The following BLM variants were observed in gnomAD, a reference collection of about 807,000 sequenced individuals.
BLM encodes recQ-like DNA helicase BLM.
Under a neutral mutation model 135.3 loss-of-function variants are expected in BLM, and 95 were observed. The ratio of observed to expected loss-of-function variants is 0.70; its 90% CI spans 0.59 to 0.83. The LOEUF (loss-of-function observed/expected upper bound fraction) is 0.83, where lower values mean the gene tolerates loss of function less well. BLM is among the 40% of genes least tolerant of loss of function. BLM has a pLI of 0.00. For synonymous variants in BLM, 520 were observed against 589.2 expected, an observed-to-expected ratio of 0.88 and a Z score of 1.70; for missense variants, 1,518 against 1,663.9, an observed-to-expected ratio of 0.91 and a Z score of 1.53.
At chr15:90,811,180 A>C in intron 20 of BLM, 25 bp from the exon 21 acceptor site, 1 of 1,611,494 alleles carries the variant, frequency 6.2e-7, no homozygotes, top group Non-Finnish European at 8.5e-7. Flanking sequence ...CATCACCTGT[A>C]AACATCTGCA....
intron 1 of BLM, among the ~76,000 whole-genome samples, chr15:90,719,731 GATATAC>G (rs1567219635): frequency 6.6e-6 from 1 of 151,998 alleles, no homozygotes; most frequent in East Asian, 1.9e-4. Context: ...AAAATTAAAA[GATATAC>G]ATATATATTT....
At chr15:90,747,039 A>T (rs28384973) in intron 1 of BLM, among the ~76,000 whole-genome samples, 380 of 152,020 alleles carry the variant, frequency 2.5e-3, no homozygotes, top group Non-Finnish European at 3.6e-3. Context: ...GCTTTCATTT[A>T]TCCTTCCAGG....
chr15:90,775,898 G>A (rs907336834), intron 12 of BLM, among the ~76,000 whole-genome samples: 1 of 152,036 alleles, frequency 6.6e-6, no homozygotes, highest in African/African-American at 2.4e-5. Context: ...TCGTTATATT[G>A]TTCGGGTTAG....
intron 1 of BLM, among the ~76,000 whole-genome samples, chr15:90,717,718 C>A (rs1894644187): frequency 2.0e-5 from 3 of 152,238 alleles, no homozygotes; most frequent in African/African-American, 7.2e-5. Flanking sequence ...CATGTTGTTG[C>A]CCATATACTC....
At chr15:90,727,721 C>T (rs1243356190) in intron 1 of BLM, among the ~76,000 whole-genome samples, 1 of 152,072 alleles carries the variant, frequency 6.6e-6, no homozygotes, top group Non-Finnish European at 1.5e-5. Flanking sequence ...TGGAAGCCTG[C>T]ACGTGAATTC....
chr15:90,776,190 A>G (rs1896472927), intron 12 of BLM, among the ~76,000 whole-genome samples: 1 of 152,208 alleles, frequency 6.6e-6, no homozygotes, highest in Non-Finnish European at 1.5e-5. Flanking sequence ...ATCAAAAATT[A>G]TTTTTAATTA....
intron 1 of BLM, among the ~76,000 whole-genome samples, chr15:90,731,678 G>A (rs962879955): frequency 3.9e-5 from 6 of 152,032 alleles, no homozygotes. Context: ...ACAGCCTAAT[G>A]TTATCTTTTA....
chr15:90,747,695 G>T, intron 2 of BLM: 1 of 513,244 alleles, frequency 1.9e-6, no homozygotes, highest in Non-Finnish European at 3.5e-6. Flanking sequence ...ATGGTTCCTG[G>T]CACATAATAT....
In BLM at chr15:90,766,962, T is replaced by C. The variant is rs748905577; in HGVS notation, c.2246T>C (p.Ile749Thr). The C allele has an allele frequency of 1.2e-6, 2 of 1,606,684 alleles. No homozygotes were observed. The highest frequency in any genetic ancestry group is 1.7e-6 in the Non-Finnish European group (2 of 1,174,156). ...AAGACTGACTCAGAAGCTACAAATATTTACCTCCAGTTATCAAAAAAAGAC... is the reference window on the plus strand; with the variant it reads ...AAGACTGACTCAGAAGCTACAAATACTTACCTCCAGTTATCAAAAAAAGAC... Reference protein sequence around the residue: ...GDKTDSEATNIYLQLSKKDPI... With the variant: ...GDKTDSEATNTYLQLSKKDPI... The change falls in exon 10 of 22, where the codon ATT (isoleucine) becomes ACT (threonine). Residue 749 changes from isoleucine (I) to threonine (T), a missense_variant. By Grantham distance (89) the Ile-to-Thr change is moderately conservative. Coordinates refer to ENST00000355112, the MANE Select transcript of BLM (RefSeq NM_000057.4).
chr15:90,755,433 G>T, intron 5 of BLM: 1 of 154,770 alleles, frequency 6.5e-6, no homozygotes, highest in South Asian at 2.0e-4. Context: ...TCTAGGTCTG[G>T]GTCTTGATGT....
chr15:90,774,289 C>G (rs1211009234), intron 12 of BLM, among the ~76,000 whole-genome samples: 2 of 150,820 alleles, frequency 1.3e-5, no homozygotes, highest in Non-Finnish European at 3.0e-5. Flanking sequence ...CCAGGCTGTT[C>G]TCAAACTCCT....
In BLM at chr15:90,740,510, T is replaced by G. The variant is rs189301835; in HGVS notation, c.-4-6879T>G. ...ATGGACATTTGAGTGGTTTCTGAAT[T>G]TGGCTATTGTGAATAATGCTCCTGT... On this transcript the variant is annotated intron_variant, in intron 1 of 21. Transcript: ENST00000355112. Among the ~76,000 whole-genome samples, 8 of 152,338 alleles carry G rather than the reference T, an allele frequency of 5.3e-5. No homozygotes were observed. The East Asian group carries it at 1.3e-3, about 26-fold the overall frequency.
At chr15:90,746,118 G>A (rs1241196002) in intron 1 of BLM, among the ~76,000 whole-genome samples, 1 of 152,156 alleles carries the variant, frequency 6.6e-6, no homozygotes, top group Non-Finnish European at 1.5e-5. Flanking sequence ...CTGCTAATGA[G>A]TGAAAGAAGT....
Position 90,785,061 on chromosome 15 carries a change from A to G in BLM, c.2803A>G (p.Ile935Val), listed in dbSNP as rs774916971. 6.2e-6 allele frequency: 10 copies of G among 1,614,032 alleles called. No homozygotes were observed. Among genetic ancestry groups the G allele is most frequent in the South Asian group, 1.1e-5 (1 of 91,086 alleles). ...CAGAGATGAAGTGCAGCAGAAGTGG[A>G]TTAATCAGGATGGCTGTCAGGTAAC... ...SARDEVQQKW[I>V]NQDGCQVICA... Residue 935 changes from isoleucine (I) to valine (V), a missense_variant, in exon 14 of 22, where the codon ATT becomes GTT. By Grantham distance (29) the Ile-to-Val change is conservative. Transcript: ENST00000355112.
At chr15:90,790,520 AT>A in intron 14 of BLM, 128 bp from the exon 15 acceptor site, 1 of 681,420 alleles carries the variant, frequency 1.5e-6, no homozygotes, top group Non-Finnish European at 2.3e-6. Flanking sequence ...CCAAGTTAAG[AT>A]ATTAGGTTGT....
intron 1 of BLM, among the ~76,000 whole-genome samples, chr15:90,736,740 T>C (rs1895228169): frequency 7.8e-6 from 1 of 128,380 alleles, no homozygotes; most frequent in African/African-American, 4.0e-5. Flanking sequence ...CAAACGGGTG[T>C]AGAGTGATTT....
chr15:90,764,279 AAT>A (rs1400400810), intron 8 of BLM, among the ~76,000 whole-genome samples: 4 of 148,500 alleles, frequency 2.7e-5, no homozygotes, highest in Non-Finnish European at 4.5e-5. Flanking sequence ...TATTGTATAT[AAT>A]ATGTCTATTA....
At chr15:90,754,683 A>G (rs933527704) in intron 4 of BLM, 128 bp from the exon 5 acceptor site, 3 of 1,119,512 alleles carry the variant, frequency 2.7e-6, no homozygotes, top group Non-Finnish European at 3.7e-6. Context: ...AGGAAATTTA[A>G]AAAACTACTT....
At chr15:90,782,758 T>G in intron 12 of BLM, 64 bp from the exon 13 acceptor site, 1 of 1,283,754 alleles carries the variant, frequency 7.8e-7, no homozygotes, top group South Asian at 1.2e-5. Context: ...ACATGTAGTC[T>G]ATAACAATAC....
Sources: allele counts gnomAD v4.1 joint callset (sites outside exome capture counted in the v4.1 genomes callset), GRCh38; gene constraint gnomAD v4.1.1; transcripts MANE v1.5; gene names NCBI Gene and HGNC (gene_info 2026-07-23, HGNC 2026-07-21).